Variants in DLG2 observed in about 807,000 individuals in gnomAD.
DLG2 encodes disks large homolog 2.
Under a neutral mutation model 132.5 loss-of-function variants are expected in DLG2, and 45 were observed. That is an observed-to-expected ratio of 0.34 (90% CI 0.27 to 0.44). The LOEUF is 0.44. DLG2 is among the 20% of genes least tolerant of loss of function. The pLI is 1.00. For synonymous variants in DLG2, 424 were observed against 419.6 expected, an observed-to-expected ratio of 1.01 and a Z score of -0.13; for missense variants, 1,045 against 1,196.9, an observed-to-expected ratio of 0.87 and a Z score of 1.87.
chr11:85,480,028 C>A (rs1463117256), intron 3 of DLG2, among the ~76,000 whole-genome samples: 1 of 152,066 alleles, frequency 6.6e-6, no homozygotes, highest in Non-Finnish European at 1.5e-5. Context: ...GGTAGGACTT[C>A]AACACATGAA....
chr11:83,982,938 G>A (rs2092924992), intron 11 of DLG2, among the ~76,000 whole-genome samples: 1 of 152,106 alleles, frequency 6.6e-6, no homozygotes, highest in Non-Finnish European at 1.5e-5. Context: ...TGGTATACAG[G>A]TTTGTATCCA....
At chr11:84,223,597 T>C (rs567100039) in intron 8 of DLG2, among the ~76,000 whole-genome samples, 1 of 150,124 alleles carries the variant, frequency 6.7e-6, no homozygotes, top group East Asian at 2.0e-4. Context: ...CACTCTGTCA[T>C]CCAGGCTGGA....
intron 16 of DLG2, among the ~76,000 whole-genome samples, chr11:83,858,434 A>G (rs115940754): frequency 0.024 from 3,698 of 152,294 alleles, 147 homozygotes; most frequent in African/African-American, 0.083. Flanking sequence ...CAGAGGAATG[A>G]AGACTCTAGT....
intron 6 of DLG2, among the ~76,000 whole-genome samples, chr11:84,858,830 A>G (rs2154027336): frequency 6.6e-6 from 1 of 152,174 alleles, no homozygotes; most frequent in Middle Eastern, 3.4e-3. Flanking sequence ...TTTGACAAGT[A>G]CTCAAACAAA....
chr11:84,459,786 T>C (rs2099075472), intron 7 of DLG2, among the ~76,000 whole-genome samples: 2 of 150,680 alleles, frequency 1.3e-5, no homozygotes, highest in African/African-American at 2.4e-5. Flanking sequence ...CTTTTAATAC[T>C]TCTATTTGGC....
chr11:84,647,174 A>G (rs184101917), intron 6 of DLG2, among the ~76,000 whole-genome samples: 1 of 152,256 alleles, frequency 6.6e-6, no homozygotes, highest in East Asian at 1.9e-4. Flanking sequence ...ATTAAGAAAA[A>G]CTTCATATAG....
intron 21 of DLG2, among the ~76,000 whole-genome samples, chr11:83,513,900 A>C (rs1321609404): frequency 5.0e-4 from 76 of 152,208 alleles, no homozygotes; most frequent in Non-Finnish European, 1.3e-4. Context: ...CTCTGTTTTG[A>C]TACCAGTACC....
intron 7 of DLG2, among the ~76,000 whole-genome samples, chr11:84,359,128 C>T (rs922695551): frequency 7.9e-5 from 12 of 151,910 alleles, no homozygotes; most frequent in African/African-American, 2.7e-4. Flanking sequence ...ATTTTCAATA[C>T]AATAATATGC....
intron 6 of DLG2, among the ~76,000 whole-genome samples, chr11:84,659,664 T>C (rs2099692362): frequency 6.6e-6 from 1 of 152,144 alleles, no homozygotes; most frequent in Non-Finnish European, 1.5e-5. Flanking sequence ...CATTTGGATG[T>C]TGATTTTCAA....
At chr11:83,537,332 C>T (rs7930252) in intron 20 of DLG2, among the ~76,000 whole-genome samples, 2 of 151,900 alleles carry the variant, frequency 1.3e-5, no homozygotes, top group Non-Finnish European at 2.9e-5. Flanking sequence ...ATTTGTCCTT[C>T]GGAGTTCCTA....
At chr11:84,002,814 A>G (rs2094417347) in intron 11 of DLG2, among the ~76,000 whole-genome samples, 1 of 152,186 alleles carries the variant, frequency 6.6e-6, no homozygotes, top group Admixed American at 6.6e-5. Flanking sequence ...CTTGTTCATT[A>G]TGAAAATTTC....
intron 6 of DLG2, among the ~76,000 whole-genome samples, chr11:84,804,750 A>C (rs2075801814): frequency 6.6e-6 from 1 of 152,100 alleles, no homozygotes; most frequent in Non-Finnish European, 1.5e-5. Context: ...ACTGCACAAC[A>C]ATCTGTGACC....
chr11:85,546,141 T>G (rs1197421680), intron 3 of DLG2, among the ~76,000 whole-genome samples: 1 of 152,196 alleles, frequency 6.6e-6, no homozygotes, highest in Non-Finnish European at 1.5e-5. Context: ...GCTATAAATT[T>G]CCCTCTACAC....
At chr11:85,365,434 A>T (rs1457887478) in intron 3 of DLG2, among the ~76,000 whole-genome samples, 1 of 152,200 alleles carries the variant, frequency 6.6e-6, no homozygotes, top group African/African-American at 2.4e-5. Flanking sequence ...AGGAAGAGTT[A>T]TCTGGAATCT....
intron 7 of DLG2, among the ~76,000 whole-genome samples, chr11:84,411,529 C>T (rs985571560): frequency 2.0e-5 from 3 of 150,986 alleles, no homozygotes; most frequent in African/African-American, 7.3e-5. Flanking sequence ...GACTCTGTTA[C>T]TATTTAAGAC....
intron 6 of DLG2, among the ~76,000 whole-genome samples, chr11:84,931,875 T>C (rs1335948810): frequency 6.6e-6 from 1 of 152,218 alleles, no homozygotes; most frequent in African/African-American, 2.4e-5. Context: ...ATCAGTCATG[T>C]TGAGCTTCTT....
intron 7 of DLG2, among the ~76,000 whole-genome samples, chr11:84,325,855 T>G (rs909617812): frequency 1.3e-5 from 2 of 152,188 alleles, no homozygotes; most frequent in African/African-American, 4.8e-5. Context: ...TGGTAGAATT[T>G]ACCAGTGAAG....
intron 18 of DLG2, among the ~76,000 whole-genome samples, chr11:83,761,307 C>G (rs1029061365): frequency 6.6e-6 from 1 of 152,224 alleles, no homozygotes; most frequent in Non-Finnish European, 1.5e-5. Flanking sequence ...GAGTACCTCT[C>G]AAGTGTTAAT....
chr11:84,132,896 C>T (rs539391324), intron 9 of DLG2, among the ~76,000 whole-genome samples: 5 of 151,938 alleles, frequency 3.3e-5, no homozygotes, highest in Non-Finnish European at 4.4e-5. Context: ...TGGATTTTTA[C>T]GGCATGAAAA....
Sources: allele counts gnomAD v4.1 joint callset (sites outside exome capture counted in the v4.1 genomes callset), GRCh38; gene constraint gnomAD v4.1.1; transcripts MANE v1.5; gene names NCBI Gene and HGNC (gene_info 2026-07-23, HGNC 2026-07-21).